The following BACE2 variants were observed in gnomAD, a reference collection of about 807,000 sequenced individuals.
BACE2 encodes the protein beta-secretase 2.
Under a neutral mutation model 46.2 loss-of-function variants are expected in BACE2, and 17 were observed. The ratio of observed to expected loss-of-function variants is 0.37; its 90% CI spans 0.25 to 0.55. The LOEUF is 0.55. BACE2 is among the 20% of genes least tolerant of loss of function. The pLI is 0.82. For missense variants in BACE2, 595 were observed against 698.1 expected (o/e 0.85, Z 1.66); for synonymous variants, 277 against 295.9 (o/e 0.94, Z 0.66).
chr21:41,224,731 G>T (rs958014649), intron 1 of BACE2, among the ~76,000 whole-genome samples: 8 of 152,126 alleles, frequency 5.3e-5, no homozygotes, highest in African/African-American at 1.9e-4. Context: ...CAATAGCATT[G>T]GTCCCTAGGG....
At chr21:41,269,035 A>G (rs1447786197) in intron 8 of BACE2, among the ~76,000 whole-genome samples, 8 of 151,838 alleles carry the variant, frequency 5.3e-5, no homozygotes, top group South Asian at 2.1e-4. Context: ...GTTTACTGCA[A>G]TCTCTGCCTC....
chr21:41,257,044 ACT>A, intron 7 of BACE2, 112 bp from the exon 8 acceptor site: 1 of 1,141,152 alleles, frequency 8.8e-7, no homozygotes, highest in South Asian at 1.4e-5. Context: ...TTCTCCCGTG[ACT>A]CCCCCCAGCG....
chr21:41,240,355 T>C (rs1233747009), intron 3 of BACE2, among the ~76,000 whole-genome samples: 1 of 152,242 alleles, frequency 6.6e-6, no homozygotes, highest in Non-Finnish European at 1.5e-5. Flanking sequence ...TGTGGGCACC[T>C]GGATGCTTTT....
rs556987902 is a variant in BACE2, at chr21:41,222,821, C to T, written c.313-3445C>T. Among the ~76,000 whole-genome samples the T allele has an allele frequency of 7.9e-5, 12 of 152,206 alleles. No homozygotes were observed. In the South Asian group the frequency reaches 1.2e-3, roughly 16 times the overall value. Reference sequence around the variant, plus strand: ...GGCCAGAACCTGAAGGTGGAGCCCTCGGGACCTCCTGGTGGCTGGATGTGG... The same window carrying T: ...GGCCAGAACCTGAAGGTGGAGCCCTTGGGACCTCCTGGTGGCTGGATGTGG... On this transcript the variant is annotated intron_variant, in intron 1 of 8. Coordinates refer to ENST00000330333, the MANE Select transcript of BACE2 (RefSeq NM_012105.5).
chr21:41,192,347 G>T (rs937108005), intron 1 of BACE2, among the ~76,000 whole-genome samples: 10 of 152,324 alleles, frequency 6.6e-5, no homozygotes, highest in Non-Finnish European at 1.2e-4. Flanking sequence ...TAACTTACTT[G>T]TGCCTTCAGG....
At chr21:41,254,726 G>A (rs750840555) in intron 7 of BACE2, among the ~76,000 whole-genome samples, 27 of 152,206 alleles carry the variant, frequency 1.8e-4, no homozygotes, top group Non-Finnish European at 2.8e-4. Context: ...ATCAATGGCC[G>A]ACTCATCTTC....
intron 2 of BACE2, among the ~76,000 whole-genome samples, chr21:41,234,147 C>T (rs1049480026): frequency 2.0e-5 from 3 of 152,130 alleles, no homozygotes; most frequent in African/African-American, 4.8e-5. Flanking sequence ...ATAAGTTTTA[C>T]GAGATCTGAT....
intron 1 of BACE2, among the ~76,000 whole-genome samples, chr21:41,198,060 C>T (rs988574068): frequency 3.3e-5 from 5 of 152,132 alleles, no homozygotes; most frequent in African/African-American, 1.2e-4. Flanking sequence ...GGTGCAATCT[C>T]GGCTCACTGC....
At chr21:41,261,791 G>A (rs1462756305) in intron 8 of BACE2, among the ~76,000 whole-genome samples, 3 of 151,798 alleles carry the variant, frequency 2.0e-5, no homozygotes, top group Non-Finnish European at 4.4e-5. Flanking sequence ...TTTCCCCTCT[G>A]ATTTTTCCAA....
intron 7 of BACE2, among the ~76,000 whole-genome samples, chr21:41,255,816 GA>G (rs552571647): frequency 1.0e-3 from 153 of 152,346 alleles, no homozygotes; most frequent in Non-Finnish European, 1.6e-3. Context: ...AGTTTCACCA[GA>G]AGGGTTTTAT....
In BACE2 at chr21:41,257,193, T is replaced by C. The variant is rs368046098; in HGVS notation, c.1170T>C (p.Asn390=). Residue 390 remains asparagine, a synonymous_variant, in exon 8 of 9, where the codon AAT becomes AAC. Transcript: ENST00000330333. ...YIQPMMGAGL[N]YECYRFGISP... is the part of the protein sequence containing the mutation. ...AGCCCATGATGGGGGCCGGCCTGAA[T>C]TATGAATGTTACCGATTCGGCATTT... 4 of 1,614,068 alleles carry C rather than the reference T, an allele frequency of 2.5e-6. No homozygotes were observed. The highest frequency in any genetic ancestry group is 3.3e-5 in the Admixed American group (2 of 59,998).
At chr21:41,214,441 G>T (rs1436129628) in intron 1 of BACE2, among the ~76,000 whole-genome samples, 1 of 152,188 alleles carries the variant, frequency 6.6e-6, no homozygotes, top group Non-Finnish European at 1.5e-5. Context: ...GCGGTTTTGG[G>T]CAGGGCTGCT....
chr21:41,217,290 G>C (rs1315930587), intron 1 of BACE2, among the ~76,000 whole-genome samples: 1 of 152,186 alleles, frequency 6.6e-6, no homozygotes, highest in Admixed American at 6.5e-5. Context: ...TCCTACTGTT[G>C]TGCAATTAGT....
At chr21:41,173,934 A>G (rs1209363450) in intron 1 of BACE2, among the ~76,000 whole-genome samples, 1 of 152,016 alleles carries the variant, frequency 6.6e-6, no homozygotes, top group Non-Finnish European at 1.5e-5. Context: ...TAAAGACATT[A>G]TAAGGCAACC....
intron 1 of BACE2, among the ~76,000 whole-genome samples, chr21:41,212,755 A>T (rs987799370): frequency 2.6e-5 from 4 of 152,180 alleles, no homozygotes; most frequent in Admixed American, 1.3e-4. Flanking sequence ...ACACTAGATA[A>T]TCTCACTCCT....
intron 7 of BACE2, among the ~76,000 whole-genome samples, chr21:41,255,386 T>C (rs940690725): frequency 6.6e-6 from 1 of 152,108 alleles, no homozygotes; most frequent in Admixed American, 6.5e-5. Context: ...CTGAGAGTGC[T>C]CCGATGCTTG....
chr21:41,171,469 A>G (rs570379578), intron 1 of BACE2, among the ~76,000 whole-genome samples: 36 of 152,218 alleles, frequency 2.4e-4, no homozygotes, highest in Non-Finnish European at 4.9e-4. Flanking sequence ...AGCCCGCCTG[A>G]GAGCTGCAAG....
At chr21:41,265,840 G>C (rs1046850046) in intron 8 of BACE2, among the ~76,000 whole-genome samples, 2 of 152,074 alleles carry the variant, frequency 1.3e-5, no homozygotes, top group Non-Finnish European at 2.9e-5. Flanking sequence ...AGGGTCTTGG[G>C]ACTACTGTTA....
At chr21:41,194,565 C>T (rs1026241837) in intron 1 of BACE2, among the ~76,000 whole-genome samples, 1 of 152,102 alleles carries the variant, frequency 6.6e-6, no homozygotes, top group Non-Finnish European at 1.5e-5. Flanking sequence ...AATACTTCCC[C>T]GTTTTCTGAC....
Sources: gnomAD v4.1 joint callset for allele counts (sites outside exome capture counted in the v4.1 genomes callset) on GRCh38, gnomAD v4.1.1 for gene constraint, MANE v1.5 for transcripts, NCBI Gene and HGNC (gene_info 2026-07-23, HGNC 2026-07-21) for gene names.